The following OPA1 variants were observed in gnomAD, a reference collection of about 807,000 sequenced individuals.
OPA1 encodes OPA1 mitochondrial dynamin like GTPase.
A neutral mutation model predicts 152.9 loss-of-function variants in OPA1; 59 were observed. That is an observed-to-expected ratio of 0.39 (90% CI 0.31 to 0.48). The LOEUF is 0.48. OPA1 is among the 20% of genes least tolerant of loss of function. The pLI is 0.96. For synonymous variants in OPA1, 400 were observed against 389.9 expected, an observed-to-expected ratio of 1.03 and a Z score of -0.31; for missense variants, 1,008 against 1,216.8, an observed-to-expected ratio of 0.83 and a Z score of 2.55.
Position 193,688,444 on chromosome 3 carries a change from CTTTTCTTTTTTTTTTTTTTTTTT to C in OPA1, c.2984-3614_2984-3592del, listed in dbSNP as rs1721224286. Among the ~76,000 whole-genome samples, 38 of 38,542 alleles carry C rather than the reference CTTTTCTTTTTTTTTTTTTTTTTT, an allele frequency of 9.9e-4. 4 individuals are homozygous for C. Among genetic ancestry groups the C allele is most frequent in the South Asian group, 2.4e-3 (2 of 828 alleles). 25.3% of individuals were successfully genotyped at this position (38,542 alleles called of 152,430 possible). ...TTCCCTGATTTTTACTGAAATGGGTCTTTTCTTTTTTTTTTTTTTTTTTTTTTTTTTTTTTTTTTTTTTTTTTT... is the reference window on the plus strand; with the variant it reads ...TTCCCTGATTTTTACTGAAATGGGTCTTTTTTTTTTTTTTTTTTTTTTTTT... On this transcript the variant is annotated intron_variant, in intron 29 of 30. Coordinates refer to ENST00000361510, the MANE Select transcript of OPA1 (RefSeq NM_130837.3).
chr3:193,631,706 T>G, intron 8 of OPA1, 41 bp downstream of exon 8: 1 of 1,536,688 alleles, frequency 6.5e-7, no homozygotes, highest in African/African-American at 1.4e-5. Flanking sequence ...CTTTTAAAAA[T>G]TATATTCGAA....
At chr3:193,685,676 A>T (rs1036716050) in intron 29 of OPA1, among the ~76,000 whole-genome samples, 1 of 152,230 alleles carries the variant, frequency 6.6e-6, no homozygotes, top group African/African-American at 2.4e-5. Context: ...TCCAAAATGA[A>T]TTATGAAGCC....
intron 1 of OPA1, among the ~76,000 whole-genome samples, chr3:193,604,053 C>T (rs1390067228): frequency 6.6e-6 from 1 of 152,202 alleles, no homozygotes; most frequent in Non-Finnish European, 1.5e-5. Flanking sequence ...AGACTTTCCA[C>T]AGCGTGTGGG....
intron 29 of OPA1, among the ~76,000 whole-genome samples, chr3:193,669,648 AT>A (rs1717481812): frequency 6.6e-6 from 1 of 152,206 alleles, no homozygotes; most frequent in South Asian, 2.1e-4. Flanking sequence ...ATACAAATAT[AT>A]TTCTTTTATA....
intron 30 of OPA1, among the ~76,000 whole-genome samples, chr3:193,693,359 G>C (rs1214144814): frequency 6.6e-6 from 1 of 152,208 alleles, no homozygotes; most frequent in Non-Finnish European, 1.5e-5. Flanking sequence ...AGTTAAGACA[G>C]GCCAGTGCGG....
intron 8 of OPA1, among the ~76,000 whole-genome samples, chr3:193,633,587 G>A (rs1577216152): frequency 1.3e-5 from 2 of 152,246 alleles, no homozygotes; most frequent in Middle Eastern, 6.8e-3. Flanking sequence ...TATCAATGAT[G>A]TCCAATAGAA....
chr3:193,630,263 CT>C (rs11314110), intron 7 of OPA1, among the ~76,000 whole-genome samples: 65,238 of 151,896 alleles, frequency 0.43, 14,252 homozygotes, highest in Non-Finnish European at 0.44. Context: ...CAGATCTGTG[CT>C]TGCTGTACAG....
intron 1 of OPA1, among the ~76,000 whole-genome samples, chr3:193,602,117 T>G (rs1342910269): frequency 6.6e-6 from 1 of 152,226 alleles, no homozygotes; most frequent in Non-Finnish European, 1.5e-5. Flanking sequence ...ATCTGTGATC[T>G]AGGGAAAGCT....
At chr3:193,609,988 T>G (rs1342890322) in intron 1 of OPA1, among the ~76,000 whole-genome samples, 1 of 152,236 alleles carries the variant, frequency 6.6e-6, no homozygotes, top group Non-Finnish European at 1.5e-5. Context: ...TCGAACTTCC[T>G]CCTTTAGCTT....
Position 193,664,937 on chromosome 3 carries a change from C to T in OPA1, c.2719C>T (p.His907Tyr). The T allele has an allele frequency of 6.2e-7, 1 of 1,609,284 alleles. No homozygotes were observed. The highest frequency in any genetic ancestry group is 1.1e-5 in the South Asian group (1 of 90,804). The change falls in exon 27 of 31, where the codon CAT becomes TAT. Residue 907 changes from histidine (H) to tyrosine (Y), a missense_variant. Physicochemically the swap from His to Tyr is moderately conservative, Grantham distance 83. Around this residue, in one of 7 missense-constraint regions of OPA1, gnomAD observed 137 missense variants for 171.0 expected, o/e 0.80. Transcript: ENST00000361510. ...ACATTTTTTAAAAACAGCTCTAAAC[C>T]ATTGTAACCTTTGTCGAAGAGGTTT... ...RRHFLKTALN[H>Y]CNLCRRGFYY...
intron 1 of OPA1, among the ~76,000 whole-genome samples, chr3:193,594,616 G>A (rs550676565): frequency 1.3e-5 from 2 of 152,284 alleles, no homozygotes; most frequent in South Asian, 4.1e-4. Flanking sequence ...TCGAACTCCT[G>A]ACCTCATGTG....
At position 193,648,143 on chromosome 3, in the gene OPA1, T is replaced by A. The variant is rs1711519537; in HGVS notation, c.1935+9T>A. The A allele has an allele frequency of 6.3e-7, 1 of 1,584,396 alleles. No individual in the cohort carries two copies. Among genetic ancestry groups the A allele is most frequent in the South Asian group, 1.1e-5 (1 of 90,466 alleles). On this transcript the variant is annotated intron_variant, in intron 20 of 30. Transcript: ENST00000361510. ...TGCGGGAACTTGACCGGGTAATATT[T>A]GGATACTCGTGTATTTTGTATATAT...
chr3:193,618,163 G>T (rs754007974), intron 5 of OPA1, among the ~76,000 whole-genome samples: 1 of 152,106 alleles, frequency 6.6e-6, no homozygotes, highest in Non-Finnish European at 1.5e-5. Flanking sequence ...TGTCTCATCT[G>T]CCCTGTCATG....
At chr3:193,610,480 G>A (rs1439791894) in intron 1 of OPA1, among the ~76,000 whole-genome samples, 1 of 152,224 alleles carries the variant, frequency 6.6e-6, no homozygotes, top group Non-Finnish European at 1.5e-5. Flanking sequence ...CTATTCGGGG[G>A]TCAGGGACCC....
chr3:193,689,185 G>A (rs1422899604), intron 29 of OPA1: 1 of 152,210 alleles, frequency 6.6e-6, no homozygotes, highest in Non-Finnish European at 1.5e-5. Context: ...GATATCATCT[G>A]TGTCCTCATA....
chr3:193,657,493 A>G (rs933764439), intron 23 of OPA1, among the ~76,000 whole-genome samples: 1 of 152,144 alleles, frequency 6.6e-6, no homozygotes, highest in Non-Finnish European at 1.5e-5. Context: ...AACTTCTACA[A>G]ATTGTCATCT....
chr3:193,676,979 CAAAAAAAAA>C (rs151218523), intron 29 of OPA1, among the ~76,000 whole-genome samples: 8 of 70,848 alleles, frequency 1.1e-4, no homozygotes, highest in Non-Finnish European at 7.8e-5. Flanking sequence ...AGACTCGTCT[CAAAAAAAAA>C]AAAAAAAAAA....
chr3:193,667,670 CAAAAAAAAAAAA>C (rs35232250), intron 29 of OPA1, among the ~76,000 whole-genome samples: 1 of 93,352 alleles, frequency 1.1e-5, no homozygotes, highest in African/African-American at 3.9e-5. Flanking sequence ...GATTCTGTCT[CAAAAAAAAAAAA>C]AAAAAAAAAG....
intron 11 of OPA1, among the ~76,000 whole-genome samples, chr3:193,641,698 T>C (rs1053502593): frequency 3.3e-5 from 5 of 152,360 alleles, no homozygotes; most frequent in Non-Finnish European, 5.9e-5. Flanking sequence ...ATTTAGCCTG[T>C]TTAGCTAATC....
Sources: allele counts gnomAD v4.1 joint callset (sites outside exome capture counted in the v4.1 genomes callset), GRCh38; gene constraint gnomAD v4.1.1; regional missense constraint gnomAD v4.1.1; transcripts MANE v1.5; gene names NCBI Gene and HGNC (gene_info 2026-07-23, HGNC 2026-07-21).